ATG7: variants seen among roughly 807,000 people sequenced by gnomAD.
ATG7 encodes the protein autophagy related 7, also known as ubiquitin-like modifier-activating enzyme ATG7.
ATG7 carries 70 observed loss-of-function variants against 82.4 expected under a neutral mutation model. The observed-to-expected ratio is 0.85, with a 90% CI of 0.70 to 1.04. The LOEUF (loss-of-function observed/expected upper bound fraction) is 1.04, where lower values mean the gene tolerates loss of function less well. Ranked by LOEUF, ATG7 falls within the 50% of genes least tolerant of loss-of-function variation. The pLI, the probability that ATG7 is intolerant of heterozygous loss-of-function variation, is 0.00. For missense variants in ATG7, 792 were observed against 864.3 expected (o/e 0.92, Z 1.05); for synonymous variants, 287 against 313.0 (o/e 0.92, Z 0.88).
intron 17 of ATG7, 105 bp from the exon 18 acceptor site, chr3:11,364,554 G>C: frequency 7.9e-7 from 1 of 1,264,826 alleles, no homozygotes. Flanking sequence ...CCAGCAAGGG[G>C]CATTTTAGTT....
At chr3:11,324,776 A>C (rs1950634641) in intron 9 of ATG7, among the ~76,000 whole-genome samples, 1 of 152,226 alleles carries the variant, frequency 6.6e-6, no homozygotes, top group African/African-American at 2.4e-5. Context: ...GATATCATTT[A>C]GTTCCAACTC....
At chr3:11,287,098 G>C (rs1944214286) in intron 3 of ATG7, among the ~76,000 whole-genome samples, 1 of 152,114 alleles carries the variant, frequency 6.6e-6, no homozygotes, top group African/African-American at 2.4e-5. Flanking sequence ...TCCTAGTAAT[G>C]TTTGAGAGCC....
intron 20 of ATG7, among the ~76,000 whole-genome samples, chr3:11,544,485 C>T (rs2071103408): frequency 6.6e-6 from 1 of 152,224 alleles, no homozygotes; most frequent in South Asian, 2.1e-4. Flanking sequence ...TCCCTGTGGC[C>T]TCTGGCCCAG....
intron 6 of ATG7, among the ~76,000 whole-genome samples, chr3:11,307,372 A>G (rs1947922412): frequency 1.3e-5 from 2 of 152,162 alleles, no homozygotes. Flanking sequence ...GACCTCTGAG[A>G]GTTGTGTTCC....
chr3:11,505,849 T>C (rs914271718), intron 20 of ATG7, among the ~76,000 whole-genome samples: 1 of 152,180 alleles, frequency 6.6e-6, no homozygotes, highest in Non-Finnish European at 1.5e-5. Context: ...GTCACTTCTG[T>C]CTGGAGGCAT....
chr3:11,519,207 T>C (rs1427264438), intron 20 of ATG7, among the ~76,000 whole-genome samples: 1 of 152,186 alleles, frequency 6.6e-6, no homozygotes, highest in African/African-American at 2.4e-5. Context: ...AGGAATAAAT[T>C]TCCATGTTTA....
rs564957345 is a variant in ATG7 at position 11,536,125 on chromosome 3, G to C, written c.2080-18686G>C. Among the ~76,000 whole-genome samples, 19 of 152,318 alleles carry C rather than the reference G, an allele frequency of 1.2e-4. No individual in the cohort carries two copies. In the South Asian group the frequency reaches 3.5e-3, roughly 28 times the overall value. On this transcript the variant is annotated intron_variant, in intron 20 of 20. Transcript: ENST00000693202. ...CCAGCCAGGCTGTTTTCTCAGGGCT[G>C]GTCTGTGAGGGGGAGGAATTAGAAA...
chr3:11,378,578 G>A (rs1346572667), intron 18 of ATG7, among the ~76,000 whole-genome samples: 1 of 149,968 alleles, frequency 6.7e-6, no homozygotes, highest in African/African-American at 2.5e-5. Context: ...CCAGCTACTC[G>A]GGAGGCTGAG....
chr3:11,511,949 T>C (rs2454487), intron 20 of ATG7, among the ~76,000 whole-genome samples: 130,659 of 152,180 alleles, frequency 0.86, 56,315 homozygotes, highest in East Asian at 0.98. Context: ...AAGCGCCGCA[T>C]GCAGCCCTGG....
At chr3:11,550,267 C>T (rs1394877199) in intron 20 of ATG7, among the ~76,000 whole-genome samples, 3 of 151,722 alleles carry the variant, frequency 2.0e-5, no homozygotes, top group African/African-American at 7.3e-5. Flanking sequence ...GAAACCTTTG[C>T]ATTTCCTTTA....
chr3:11,532,708 G>T (rs898782258), intron 20 of ATG7, among the ~76,000 whole-genome samples: 2 of 152,178 alleles, frequency 1.3e-5, no homozygotes, highest in African/African-American at 4.8e-5. Flanking sequence ...AGGTGACAGA[G>T]TGAGACCTGT....
chr3:11,339,252 C>T (rs957420753), intron 11 of ATG7, among the ~76,000 whole-genome samples: 8 of 144,700 alleles, frequency 5.5e-5, no homozygotes, highest in Non-Finnish European at 8.9e-5. Context: ...GCCAAAATCG[C>T]GCCACTGCAC....
chr3:11,526,379 G>A (rs972623162), intron 20 of ATG7, among the ~76,000 whole-genome samples: 3 of 152,034 alleles, frequency 2.0e-5, no homozygotes, highest in Non-Finnish European at 4.4e-5. Context: ...GTGGCAGAGT[G>A]AGACTCAAGT....
At chr3:11,308,901 C>A in intron 6 of ATG7, 83 bp from the exon 7 acceptor site, 1 of 1,297,818 alleles carries the variant, frequency 7.7e-7, no homozygotes, top group Non-Finnish European at 1.1e-6. Context: ...GAGCCTGGTG[C>A]TTTTCAGCTC....
chr3:11,564,468 T>C, the ATG7 span, among the ~76,000 whole-genome samples: 1 of 151,952 alleles, frequency 6.6e-6, no homozygotes, highest in African/African-American at 2.4e-5. Flanking sequence ...AGAAGACTGC[T>C]GGAGGAAACA....
rs1180888333 is a variant in ATG7, at chr3:11,283,642, A to T, written c.-11+1204A>T. Among the ~76,000 whole-genome samples the T allele has an allele frequency of 2.0e-5, 3 of 149,678 alleles. 1 individual carries two copies. The East Asian group carries it at 5.9e-4, about 30-fold the overall frequency. ...GCATCCTTTCCCTGAACCATTAAAA[A>T]CTCTCCTGCTTGTGGTGGACATGGT... On this transcript the variant is annotated intron_variant, in intron 3 of 20. Transcript: ENST00000693202.
At position 11,329,528 on chromosome 3, in the gene ATG7, C is replaced by T. The variant is rs117549474; in HGVS notation, c.679-1812C>T. Among the ~76,000 whole-genome samples the T allele has an allele frequency of 1.6e-4, 24 of 152,284 alleles. No individual in the cohort carries two copies. The East Asian group carries it at 4.1e-3, about 26-fold the overall frequency. ...TCTTTCTTCCACCCATTTATCCATC[C>T]ATCTACTTTTTTATCATACAAAAAA... On this transcript the variant is annotated intron_variant, in intron 9 of 20. Transcript: ENST00000693202.
intron 20 of ATG7, among the ~76,000 whole-genome samples, chr3:11,507,476 T>C (rs375815245): frequency 6.6e-6 from 1 of 152,166 alleles, no homozygotes; most frequent in African/African-American, 2.4e-5. Flanking sequence ...AATTCCAAAG[T>C]AGTGATGAGT....
intron 19 of ATG7, among the ~76,000 whole-genome samples, chr3:11,424,448 C>G (rs1323142418): frequency 4.0e-5 from 6 of 151,808 alleles, no homozygotes; most frequent in Non-Finnish European, 8.8e-5. Flanking sequence ...CATTGCACTC[C>G]AGCCTAGGTG....
Sources: gnomAD v4.1 joint callset for allele counts (sites outside exome capture counted in the v4.1 genomes callset) on GRCh38, gnomAD v4.1.1 for gene constraint, MANE v1.5 for transcripts, NCBI Gene and HGNC (gene_info 2026-07-23, HGNC 2026-07-21) for gene names.